Variants in LRRC37A2 observed in about 807,000 individuals in gnomAD.
The protein encoded by LRRC37A2 is leucine-rich repeat-containing protein 37A2.
In LRRC37A2, 9 loss-of-function variants were observed where a neutral mutation model predicts 68.8. That is an observed-to-expected ratio of 0.13 (90% CI 0.08 to 0.23). LRRC37A2 has a LOEUF of 0.23. Among genes scored for constraint, LRRC37A2 ranks in the 10% least tolerant of loss-of-function variants. The pLI, the probability that LRRC37A2 is intolerant of heterozygous loss-of-function variation, is 1.00. For synonymous variants in LRRC37A2, 63 were observed against 367.6 expected (o/e 0.17, Z 9.48); for missense variants, 168 against 950.4 (o/e 0.18, Z 10.82).
chr17:46,813,557 A>G, the LRRC37A2 span, among the ~76,000 whole-genome samples: 34 of 151,654 alleles, frequency 2.2e-4, no homozygotes, highest in Non-Finnish European at 4.3e-4. Context: ...GCAGCTGGAG[A>G]AGGTTTCTGT....
chr17:46,403,646 A>G, the LRRC37A2 span, among the ~76,000 whole-genome samples: 1 of 84,432 alleles, frequency 1.2e-5, no homozygotes, highest in East Asian at 2.4e-4. Context: ...TTTACCTGTG[A>G]ATGAAGCTGT....
chr17:46,813,322 G>A, the LRRC37A2 span, among the ~76,000 whole-genome samples: 1 of 151,690 alleles, frequency 6.6e-6, no homozygotes, highest in Non-Finnish European at 1.5e-5. Context: ...CCAGAGAAGG[G>A]AAGGGACTCA....
chr17:46,388,477 G>A, the LRRC37A2 span, among the ~76,000 whole-genome samples: 2 of 42,732 alleles, frequency 4.7e-5, no homozygotes, highest in South Asian at 1.0e-3. Flanking sequence ...TAGGAGAATT[G>A]CTTGAACCTG....
the LRRC37A2 span, among the ~76,000 whole-genome samples, chr17:46,458,706 T>C: frequency 9.6e-6 from 1 of 104,010 alleles, no homozygotes; most frequent in Admixed American, 9.4e-5. Flanking sequence ...CACGCCCAGC[T>C]AATTTTGTAT....
At chr17:46,875,374 T>G in the LRRC37A2 span, 41 of 1,584,944 alleles carry the variant, frequency 2.6e-5, no homozygotes, top group African/African-American at 5.0e-4. Context: ...AAGGTGAGCA[T>G]GTCCCTGGCT....
the LRRC37A2 span, among the ~76,000 whole-genome samples, chr17:46,865,803 G>A: frequency 1.3e-5 from 2 of 152,058 alleles, no homozygotes; most frequent in African/African-American, 2.4e-5. Flanking sequence ...TAGAGACAAC[G>A]TCTCACTTAC....
At chr17:46,850,018 CTT>C in the LRRC37A2 span, among the ~76,000 whole-genome samples, 1 of 152,020 alleles carries the variant, frequency 6.6e-6, no homozygotes, top group Non-Finnish European at 1.5e-5. Flanking sequence ...CGGCTAATGT[CTT>C]TGTATTTTTA....
the LRRC37A2 span, chr17:46,764,352 G>A: frequency 6.6e-6 from 1 of 152,494 alleles, no homozygotes; most frequent in Non-Finnish European, 1.5e-5. Flanking sequence ...TAAGCCTCAG[G>A]TCTGTTCCTA....
chr17:46,834,404 A>G, the LRRC37A2 span, among the ~76,000 whole-genome samples: 1 of 152,112 alleles, frequency 6.6e-6, no homozygotes, highest in East Asian at 1.9e-4. Flanking sequence ...GGCGCGCATT[A>G]GGAGATGGAG....
chr17:46,744,961 T>C, the LRRC37A2 span, among the ~76,000 whole-genome samples: 26 of 152,344 alleles, frequency 1.7e-4, no homozygotes, highest in African/African-American at 6.3e-4. Flanking sequence ...GCTTTTTCTT[T>C]ATAGCATCAG....
chr17:46,892,133 G>T, the LRRC37A2 span, among the ~76,000 whole-genome samples: 1 of 151,830 alleles, frequency 6.6e-6, no homozygotes, highest in Non-Finnish European at 1.5e-5. Flanking sequence ...TGGCCAGACT[G>T]GTCTCGAACT....
the LRRC37A2 span, among the ~76,000 whole-genome samples, chr17:46,983,856 G>A: frequency 6.6e-6 from 1 of 152,226 alleles, no homozygotes; most frequent in African/African-American, 2.4e-5. Flanking sequence ...CTGCAGTCAT[G>A]TAAAAGCCTG....
At chr17:46,945,297 T>C in the LRRC37A2 span, among the ~76,000 whole-genome samples, 1 of 152,174 alleles carries the variant, frequency 6.6e-6, no homozygotes, top group Non-Finnish European at 1.5e-5. Context: ...CTCAGAGGCC[T>C]GAGTTCATGC....
chr17:46,928,466 G>A, the LRRC37A2 span, among the ~76,000 whole-genome samples: 1 of 152,160 alleles, frequency 6.6e-6, no homozygotes, highest in African/African-American at 2.4e-5. Flanking sequence ...TGAGCACCGG[G>A]AAGTGGATGG....
the LRRC37A2 span, among the ~76,000 whole-genome samples, chr17:46,635,847 A>C: frequency 7.7e-6 from 1 of 129,882 alleles, no homozygotes; most frequent in Non-Finnish European, 1.7e-5. Flanking sequence ...ATTGAAGAGT[A>C]GCAATAGACT....
chr17:46,970,018 C>T, the LRRC37A2 span, among the ~76,000 whole-genome samples: 62,946 of 152,034 alleles, frequency 0.41, 13,545 homozygotes, highest in East Asian at 0.55. Flanking sequence ...TAGCTGACTA[C>T]AGCTAACCTC....
chr17:46,847,995 T>TGTGTGTGTGC, the LRRC37A2 span, among the ~76,000 whole-genome samples: 1 of 149,424 alleles, frequency 6.7e-6, no homozygotes. Context: ...TGTGTGTGTG[T>TGTGTGTGTGC]GCACGTGCAT....
intron 8 of LRRC37A2, among the ~76,000 whole-genome samples, chr17:46,542,735 A>G (rs1321811862): frequency 6.7e-6 from 1 of 150,192 alleles, no homozygotes; most frequent in Non-Finnish European, 1.5e-5. Flanking sequence ...GTATATATGT[A>G]TATGTATGCC....
chr17:46,778,112 A>G, the LRRC37A2 span, among the ~76,000 whole-genome samples: 2 of 152,184 alleles, frequency 1.3e-5, no homozygotes, highest in Non-Finnish European at 2.9e-5. Flanking sequence ...GGTGGTTGCT[A>G]TGGTTACGGT....
Sources: gnomAD v4.1 joint callset for allele counts (sites outside exome capture counted in the v4.1 genomes callset) on GRCh38, gnomAD v4.1.1 for gene constraint, MANE v1.5 for transcripts, NCBI Gene and HGNC (gene_info 2026-07-23, HGNC 2026-07-21) for gene names.